CCND2: variants seen among roughly 807,000 people sequenced by gnomAD.
CCND2 encodes G1/S-specific cyclin-D2.
In CCND2, 6 loss-of-function variants were observed where a neutral mutation model predicts 30.2. That is an observed-to-expected ratio of 0.20 (90% CI 0.11 to 0.39). The LOEUF (loss-of-function observed/expected upper bound fraction) is 0.39. CCND2 is among the 10% of genes least tolerant of loss of function. The pLI is 1.00. For synonymous variants in CCND2, 150 were observed against 153.1 expected (o/e 0.98, Z 0.15); for missense variants, 235 against 373.4 (o/e 0.63, Z 3.06).
Position 4,299,869 on chromosome 12 carries a change from A to G in CCND2, c.730A>G (p.Lys244Glu). The G allele has an allele frequency of 6.2e-7, 1 of 1,614,112 alleles. No homozygotes were observed. The highest frequency in any genetic ancestry group is 8.5e-7 in the Non-Finnish European group (1 of 1,179,988). The change falls in exon 5 of 5, where the codon AAA becomes GAA. Residue 244 changes from lysine to glutamate, a missense_variant. Coordinates refer to ENST00000261254, the MANE Select transcript of CCND2 (RefSeq NM_001759.4). The surrounding 1 kb of genome is among the most constrained non-coding windows in gnomAD (Gnocchi z 5.2). ...TGGACCATTGTTCTAGGATTGTCTC[A>G]AAGCTTGCCAGGAGCAGATTGAGGC... ...KITNTDVDCL[K>E]ACQEQIEAVL... is the part of the protein sequence containing the mutation.
intron 2 of CCND2, among the ~76,000 whole-genome samples, chr12:4,277,808 G>A (rs1270225530): frequency 6.6e-6 from 1 of 152,254 alleles, no homozygotes; most frequent in South Asian, 2.1e-4. Context: ...TGGCAAACAG[G>A]CCCTGCCTCT....
At chr12:4,290,572 GA>G (rs3217864) in intron 4 of CCND2, among the ~76,000 whole-genome samples, 42,098 of 151,884 alleles carry the variant, frequency 0.28, 6,520 homozygotes, top group Middle Eastern at 0.47. Flanking sequence ...ACAGGAGTTG[GA>G]AGCGGCCACC....
Position 4,273,868 on chromosome 12 carries a change from T to C in CCND2, c.-173T>C. On this transcript the variant is annotated 5_prime_UTR_variant, in exon 1 of 5. Transcript: ENST00000261254. This position sits in a 1 kb window ranked among gnomAD's most constrained non-coding sequence, Gnocchi z 5.9. ...GCTCGCCCACCACCCAATCCTCGCC[T>C]CCCTTCTGCTCCACCTTCTCTCTCT... 1.5e-6 allele frequency: 1 copy of C among 655,238 alleles called. No individual in the cohort carries two copies. The highest frequency in any genetic ancestry group is 1.9e-5 in the South Asian group (1 of 52,092). 40.6% of individuals were successfully genotyped at this position (655,238 alleles called of 1,614,324 possible). A position where few individuals can be genotyped will look rare whatever the true frequency, so the allele number is the denominator to read the frequency against.
intron 4 of CCND2, among the ~76,000 whole-genome samples, chr12:4,292,443 C>G (rs920225620): frequency 6.6e-6 from 1 of 151,950 alleles, no homozygotes; most frequent in Non-Finnish European, 1.5e-5. Context: ...GGGGTTAGGT[C>G]GTGGGTTGTC....
In CCND2 at chr12:4,300,985, A is replaced by G; in HGVS notation, c.*976A>G. On this transcript the variant is annotated 3_prime_UTR_variant, in exon 5 of 5. Transcript: ENST00000261254. ...ACCATTCCATTCGAAAAGCACTTTG[A>G]AAAATTGTTCCCGAGCGATAGATGG... 1 of 233,690 alleles carries G rather than the reference A, an allele frequency of 4.3e-6. No homozygotes were observed. Among genetic ancestry groups the G allele is most frequent in the Non-Finnish European group, 8.5e-6 (1 of 118,036 alleles). The allele number at this position is 233,690 out of a possible 1,614,324, so 14.5% of individuals were successfully genotyped here. A position where few individuals can be genotyped will look rare whatever the true frequency, so the allele number is the denominator to read the frequency against.
rs1864292244 is a variant in CCND2, at chr12:4,304,654, G to A, written c.*4645G>A. On this transcript the variant is annotated 3_prime_UTR_variant, in exon 5 of 5. Coordinates refer to ENST00000261254, the MANE Select transcript of CCND2 (RefSeq NM_001759.4). The surrounding 1 kb of genome is among the most constrained non-coding windows in gnomAD (Gnocchi z 6.2). The stretch of plus-strand genomic sequence containing the variant: ...AGACCCTATTCTCGGCTCAGGTTTT[G>A]AGAAGCCATCAGCAAATGTGTACGT... 1 of 233,564 alleles carries A rather than the reference G, an allele frequency of 4.3e-6. No individual in the cohort carries two copies. Among genetic ancestry groups the A allele is most frequent in the Non-Finnish European group, 8.5e-6 (1 of 118,052 alleles). 14.5% of individuals were successfully genotyped at this position (233,564 alleles called of 1,614,324 possible). A position where few individuals can be genotyped will look rare whatever the true frequency, so the allele number is the denominator to read the frequency against.
intron 4 of CCND2, 183 bp downstream of exon 4, chr12:4,289,173 C>T (rs186624119): frequency 6.7e-5 from 9 of 133,470 alleles, no homozygotes; most frequent in East Asian, 6.0e-4. Flanking sequence ...AAGCTGTGCA[C>T]GGGAAAATAC....
At chr12:4,297,182 A>G (rs897568602) in intron 4 of CCND2, among the ~76,000 whole-genome samples, 3 of 151,912 alleles carry the variant, frequency 2.0e-5, no homozygotes, top group Non-Finnish European at 2.9e-5. Flanking sequence ...CTTAACCCCC[A>G]CATTCATTTT....
intron 3 of CCND2, among the ~76,000 whole-genome samples, chr12:4,284,257 C>T (rs951707475): frequency 6.6e-6 from 1 of 152,222 alleles, no homozygotes; most frequent in African/African-American, 2.4e-5. Context: ...CTCAGAACAG[C>T]ACTACAACGT....
At position 4,276,424 on chromosome 12, in the gene CCND2, C is replaced by T. The variant is rs1200685741; in HGVS notation, c.411+204C>T. Among the ~76,000 whole-genome samples the T allele has an allele frequency of 6.6e-6, 1 of 152,208 alleles. No homozygotes were observed. Among genetic ancestry groups the T allele is most frequent in the African/African-American group, 2.4e-5 (1 of 41,450 alleles). Reference sequence around the variant, plus strand: ...TGTGTTCCTACTATGTGCCCAGGCTCCGTGCCCAGCACTGAGGCTACATCT... The same window carrying T: ...TGTGTTCCTACTATGTGCCCAGGCTTCGTGCCCAGCACTGAGGCTACATCT... On this transcript the variant is annotated intron_variant, in intron 2 of 4. Coordinates refer to ENST00000261254, the MANE Select transcript of CCND2 (RefSeq NM_001759.4). The surrounding 1 kb of genome is among the most constrained non-coding windows in gnomAD (Gnocchi z 4.8).
intron 3 of CCND2, among the ~76,000 whole-genome samples, chr12:4,279,611 A>C (rs888873576): frequency 6.9e-6 from 1 of 144,140 alleles, no homozygotes; most frequent in Non-Finnish European, 1.5e-5. Context: ...GGATCCCACA[A>C]TTGATACATC....
rs76269597 is a variant in CCND2, at chr12:4,299,899, C to T, written c.760C>T (p.Leu254Phe). 1 of 1,614,132 alleles carries T rather than the reference C, an allele frequency of 6.2e-7. No individual in the cohort carries two copies. The highest frequency in any genetic ancestry group is 8.5e-7 in the Non-Finnish European group (1 of 1,180,010). ...KACQEQIEAV[L>F]LNSLQQYRQD... Reference sequence around the variant, plus strand: ...TTGCCAGGAGCAGATTGAGGCGGTGCTCCTCAATAGCCTGCAGCAGTACCG... The same window carrying T: ...TTGCCAGGAGCAGATTGAGGCGGTGTTCCTCAATAGCCTGCAGCAGTACCG... Residue 254 changes from leucine to phenylalanine, a missense_variant, in exon 5 of 5, where the codon CTC (leucine) becomes TTC (phenylalanine). Physicochemically the swap from Leu to Phe is conservative, Grantham distance 22. Coordinates refer to ENST00000261254, the MANE Select transcript of CCND2 (RefSeq NM_001759.4). This position sits in a 1 kb window ranked among gnomAD's most constrained non-coding sequence, Gnocchi z 5.2.
At chr12:4,291,888 G>A (rs1480380033) in intron 4 of CCND2, among the ~76,000 whole-genome samples, 1 of 152,166 alleles carries the variant, frequency 6.6e-6, no homozygotes, top group African/African-American at 2.4e-5. Flanking sequence ...CTTATACCAG[G>A]TACCTGGAAT....
In CCND2 at chr12:4,285,771, G is replaced by A. The variant is rs1053352954; in HGVS notation, c.572-3071G>A. Among the ~76,000 whole-genome samples the A allele has an allele frequency of 6.6e-6, 1 of 152,230 alleles. No homozygotes were observed. Among genetic ancestry groups the A allele is most frequent in the Non-Finnish European group, 1.5e-5 (1 of 68,050 alleles). Reference sequence around the variant, plus strand: ...ATTACAGCTAGGAAGCTAGTGCACAGATGAAATGATGTTTGATTTTTTTGT... The same window carrying A: ...ATTACAGCTAGGAAGCTAGTGCACAAATGAAATGATGTTTGATTTTTTTGT... On this transcript the variant is annotated intron_variant, in intron 3 of 4. Coordinates refer to ENST00000261254, the MANE Select transcript of CCND2 (RefSeq NM_001759.4). This position sits in a 1 kb window ranked among gnomAD's most constrained non-coding sequence, Gnocchi z 4.1.
chr12:4,296,849 A>C (rs1339165174), intron 4 of CCND2, among the ~76,000 whole-genome samples: 1 of 152,224 alleles, frequency 6.6e-6, no homozygotes, highest in Non-Finnish European at 1.5e-5. Context: ...GAGAAAGAAG[A>C]AAATATCAAT....
intron 4 of CCND2, among the ~76,000 whole-genome samples, chr12:4,291,342 A>G (rs1451436657): frequency 6.6e-6 from 1 of 152,120 alleles, no homozygotes; most frequent in Admixed American, 6.6e-5. Context: ...TTTAGAACAC[A>G]TTAGTGTTTG....
At chr12:4,295,768 C>G (rs1369539417) in intron 4 of CCND2, among the ~76,000 whole-genome samples, 1 of 152,174 alleles carries the variant, frequency 6.6e-6, no homozygotes, top group African/African-American at 2.4e-5. Context: ...CAGTGAGACT[C>G]CGTCTCAAAA....
In CCND2 at chr12:4,299,780, A is replaced by G. The variant is rs1181712980; in HGVS notation, c.721-80A>G. 1.5e-6 allele frequency: 2 copies of G among 1,363,908 alleles called. No individual in the cohort carries two copies. Among genetic ancestry groups the G allele is most frequent in the Non-Finnish European group, 2.0e-6 (2 of 983,672 alleles). 84.5% of individuals were successfully genotyped at this position (1,363,908 alleles called of 1,614,324 possible). On this transcript the variant is annotated intron_variant, in intron 4 of 4. Transcript: ENST00000261254. The surrounding 1 kb of genome is among the most constrained non-coding windows in gnomAD (Gnocchi z 5.2). ...AAACTAGCACAGACTTATGCAAGCTAAATTACGCATGTTTTCTCCGTAGGA... is the reference window on the plus strand; with the variant it reads ...AAACTAGCACAGACTTATGCAAGCTGAATTACGCATGTTTTCTCCGTAGGA...
At position 4,299,940 on chromosome 12, in the gene CCND2, C is replaced by G. The variant is rs199959738; in HGVS notation, c.801C>G (p.Asp267Glu). 1.3e-5 allele frequency: 21 copies of G among 1,614,134 alleles called. 1 individual carries two copies. In the South Asian group the frequency reaches 1.8e-4, roughly 14 times the overall value. ...AGCAGTACCGTCAGGACCAACGTGA[C>G]GGATCCAAGTCGGAGGATGAACTGG... ...SLQQYRQDQRDGSKSEDELDQ... is the reference protein window; with the variant it reads ...SLQQYRQDQREGSKSEDELDQ... Residue 267 changes from aspartate to glutamate, a missense_variant, in exon 5 of 5, where the codon GAC becomes GAG. By Grantham distance (45) the Asp-to-Glu change is conservative. This residue lies in a region of CCND2 where 57 missense variants were observed against 50.7 expected (regional missense o/e 1.12). Transcript: ENST00000261254. This position sits in a 1 kb window ranked among gnomAD's most constrained non-coding sequence, Gnocchi z 5.2.
Sources: gnomAD v4.1 joint callset for allele counts (sites outside exome capture counted in the v4.1 genomes callset) on GRCh38, gnomAD v4.1.1 for gene constraint, gnomAD v4.1.1 regional missense constraint, Gnocchi (gnomAD v3.1) non-coding constraint, MANE v1.5 for transcripts, NCBI Gene and HGNC (gene_info 2026-07-23, HGNC 2026-07-21) for gene names.